The following ADGRF3 variants were observed in gnomAD, a reference collection of about 807,000 sequenced individuals.
The protein encoded by ADGRF3 is adhesion G protein-coupled receptor F3, also known as G protein-coupled receptor 113.
A neutral mutation model predicts 93.2 loss-of-function variants in ADGRF3; 85 were observed. That is an observed-to-expected ratio of 0.91 (90% CI 0.77 to 1.09). The LOEUF (loss-of-function observed/expected upper bound fraction) is 1.09. ADGRF3 is among the 50% of genes least tolerant of loss of function. The pLI is 0.00. For synonymous variants in ADGRF3, 534 were observed against 532.5 expected (o/e 1.00, Z -0.04); for missense variants, 1,125 against 1,246.2 (o/e 0.90, Z 1.46).
At chr2:26,324,506 G>GTAT (rs112469324) in intron 1 of ADGRF3, among the ~76,000 whole-genome samples, 2 of 151,558 alleles carry the variant, frequency 1.3e-5, no homozygotes, top group African/African-American at 4.9e-5. Flanking sequence ...GCCCCAGTGT[G>GTAT]TGTTCCCCTG....
intron 1 of ADGRF3, among the ~76,000 whole-genome samples, chr2:26,324,393 A>G (rs1675326320): frequency 6.6e-6 from 1 of 152,304 alleles, no homozygotes; most frequent in South Asian, 2.1e-4. Context: ...GGTTTGTTAC[A>G]TAGGTAAACT....
chr2:26,318,901 C>A, intron 1 of ADGRF3: 1 of 1,550,874 alleles, frequency 6.4e-7, no homozygotes, highest in Non-Finnish European at 8.7e-7. Flanking sequence ...TTTGTCTCTC[C>A]CAATCAGGGG....
chr2:26,322,307 G>GA (rs1010828493), intron 1 of ADGRF3, among the ~76,000 whole-genome samples: 6 of 147,842 alleles, frequency 4.1e-5, no homozygotes, highest in African/African-American at 1.2e-4. Flanking sequence ...AAAGAGAAAA[G>GA]AAAAAAAAGA....
chr2:26,312,122 G>A (rs376993125), intron 9 of ADGRF3, 48 bp from the exon 10 acceptor site: 38 of 1,539,250 alleles, frequency 2.5e-5, no homozygotes, highest in Middle Eastern at 2.4e-4. Context: ...GCGCCCACAG[G>A]ACTGAGCCGG....
chr2:26,314,635 T>G lies in ADGRF3; in HGVS notation c.719-12A>C. ...GCTCATGTACTCACCTGCAGAAACG[T>G]GTGTGCGGCGCTATGTGGCTCCTCT... is the stretch of plus-strand genomic sequence containing the variant. On this transcript the variant is annotated splice_polypyrimidine_tract_variant and intron_variant, in intron 5 of 13. Coordinates refer to ENST00000651242, the MANE Select transcript of ADGRF3 (RefSeq NM_001321971.2). 6.2e-7 allele frequency: 1 copy of G among 1,610,764 alleles called. No individual in the cohort carries two copies. Among genetic ancestry groups the G allele is most frequent in the Non-Finnish European group, 8.5e-7 (1 of 1,177,458 alleles).
In ADGRF3 at chr2:26,314,635, T is replaced by TGTGTG; in HGVS notation, c.719-17_719-13dup. ...GCTCATGTACTCACCTGCAGAAACG[T>TGTGTG]GTGTGCGGCGCTATGTGGCTCCTCT... On this transcript the variant is annotated splice_polypyrimidine_tract_variant and intron_variant, in intron 5 of 13. Transcript: ENST00000651242. 6.2e-7 allele frequency: 1 copy of TGTGTG among 1,610,766 alleles called. No individual in the cohort carries two copies. Among genetic ancestry groups the TGTGTG allele is most frequent in the Admixed American group, 1.7e-5 (1 of 59,830 alleles).
chr2:26,313,635 C>T (rs1165677343), intron 7 of ADGRF3, 62 bp from the exon 8 acceptor site: 4 of 1,566,718 alleles, frequency 2.6e-6, no homozygotes, highest in African/African-American at 1.4e-5. Context: ...TCTCCTTGGG[C>T]AGAACCCTAT....
intron 5 of ADGRF3, chr2:26,314,865 C>T: frequency 1.9e-6 from 1 of 522,450 alleles, no homozygotes; most frequent in Middle Eastern, 5.1e-4. Context: ...TCATGCTCTC[C>T]CTAGAGCAGA....
In ADGRF3 at chr2:26,311,990, C is replaced by T; in HGVS notation, c.1534G>A (p.Gly512Ser). ...TLAQARKPWAGSTLLLAVETL... is the reference protein window; with the variant it reads ...TLAQARKPWASSTLLLAVETL... ...TCCACAGCCAGCAGGAGAGTCGAGC[C>T]TGCCCAGGGCTTCCGGGCTTGGGCC... Residue 512 changes from glycine (G) to serine (S), a missense_variant, in exon 10 of 14, where the codon GGC becomes AGC. Transcript: ENST00000651242. The T allele has an allele frequency of 1.9e-6, 3 of 1,613,516 alleles. No homozygotes were observed. Among genetic ancestry groups the T allele is most frequent in the Non-Finnish European group, 2.5e-6 (3 of 1,179,880 alleles).
chr2:26,309,532 G>T lies in ADGRF3; in HGVS notation c.2987C>A (p.Thr996Asn), dbSNP rs1386542737. 1.2e-6 allele frequency: 2 copies of T among 1,612,194 alleles called. No homozygotes were observed. The highest frequency in any genetic ancestry group is 3.3e-5 in the Admixed American group (2 of 59,792). ...ILEHSKGGSD[T>N]ARKTDASE ...GAGAAAGCCTAGTTCTCACCTGGCA[G>T]TGTCGCTTCCTCCTTTGCTGTGTTC... Residue 996 changes from threonine (T) to asparagine (N), a missense_variant, in exon 13 of 14, where the codon ACT (threonine) becomes AAT (asparagine). Transcript: ENST00000651242.
At position 26,315,504 on chromosome 2, in the gene ADGRF3, A is replaced by G; in HGVS notation, c.718+18T>C. ...AAGAGGAAGGAGAAAGGAGGCAAGG[A>G]GAGGACAGGCTGGCTACCTGCCCAG... On this transcript the variant is annotated intron_variant, in intron 5 of 13. Coordinates refer to ENST00000651242, the MANE Select transcript of ADGRF3 (RefSeq NM_001321971.2). 6.5e-7 allele frequency: 1 copy of G among 1,545,390 alleles called. No individual in the cohort carries two copies. The highest frequency in any genetic ancestry group is 8.8e-7 in the Non-Finnish European group (1 of 1,142,080).
rs775413848 is a variant in ADGRF3 at position 26,314,559 on chromosome 2, C to T, written c.783G>A (p.Val261=). ...FKWNLYEVVR[V]PLKATDVARL... is the part of the protein sequence containing the mutation. ...GAGCCACATCTGTCGCCTTCAAGGG[C>T]ACCCTCACCACCTCATACAGGTTCC... The change falls in exon 6 of 14, where the codon GTG becomes GTA. Residue 261 remains valine (V), a synonymous_variant. Coordinates refer to ENST00000651242, the MANE Select transcript of ADGRF3 (RefSeq NM_001321971.2). The T allele has an allele frequency of 2.5e-6, 4 of 1,614,074 alleles. No individual in the cohort carries two copies. The South Asian group carries it at 4.4e-5, about 18-fold the overall frequency.
Position 26,317,035 on chromosome 2 carries a change from A to G in ADGRF3, c.202T>C (p.Tyr68His). 1 of 1,612,400 alleles carries G rather than the reference A, an allele frequency of 6.2e-7. No individual in the cohort carries two copies. Among genetic ancestry groups the G allele is most frequent in the Non-Finnish European group, 8.5e-7 (1 of 1,179,302 alleles). Residue 68 changes from tyrosine to histidine, a missense_variant, in exon 3 of 14, where the codon TAT (tyrosine) becomes CAT (histidine). Coordinates refer to ENST00000651242, the MANE Select transcript of ADGRF3 (RefSeq NM_001321971.2). ...GAGESALVSV[Y>H]VHLDFPDKTW... is the part of the protein sequence containing the mutation. Reference sequence around the variant, plus strand: ...TTATCTGGAAAGTCCAGATGTACATAGACGGAGACCAGCGCTGATTCTACA... The same window carrying G: ...TTATCTGGAAAGTCCAGATGTACATGGACGGAGACCAGCGCTGATTCTACA...
rs550169597 is a variant in ADGRF3, at chr2:26,316,334, G to A, written c.440C>T (p.Pro147Leu). The change falls in exon 4 of 14, where the codon CCT becomes CTT. Residue 147 changes from proline (P) to leucine (L), a missense_variant. Pro to Leu is a moderately conservative substitution (Grantham distance 98). Transcript: ENST00000651242. ...ATGGCTGAAGACAAGGCAGCCACAA[G>A]GCTGGTGGTTGTGGAGGCTTTGACA... is the stretch of plus-strand genomic sequence containing the variant. ...PPCQSLHNHQ[P>L]CGCLVFSHPE... 2.6e-6 allele frequency: 4 copies of A among 1,552,010 alleles called. No individual in the cohort carries two copies. The highest frequency in any genetic ancestry group is 1.7e-4 in the Middle Eastern group (1 of 5,994).
At chr2:26,324,949 G>A (rs1454377877) in intron 1 of ADGRF3, among the ~76,000 whole-genome samples, 3 of 152,238 alleles carry the variant, frequency 2.0e-5, no homozygotes, top group African/African-American at 7.2e-5. Flanking sequence ...CAGTGTGTAA[G>A]TGTTCCTTTT....
At chr2:26,329,900 T>C (rs765525227) in intron 1 of ADGRF3, among the ~76,000 whole-genome samples, 5 of 152,260 alleles carry the variant, frequency 3.3e-5, no homozygotes, top group Admixed American at 6.5e-5. Flanking sequence ...CCAACATCTT[T>C]GTCATCTCAG....
intron 6 of ADGRF3, 114 bp from the exon 7 acceptor site, chr2:26,314,017 T>C: frequency 7.5e-7 from 1 of 1,324,768 alleles, no homozygotes; most frequent in South Asian, 1.3e-5. Flanking sequence ...GAGGAAGCAG[T>C]GGGGAAGAGC....
chr2:26,319,237 C>G, intron 1 of ADGRF3: 1 of 569,030 alleles, frequency 1.8e-6, no homozygotes, highest in Admixed American at 3.2e-5. Context: ...CACCTGGAGC[C>G]CACATGCCCC....
intron 1 of ADGRF3, among the ~76,000 whole-genome samples, chr2:26,331,480 C>T (rs1675764289): frequency 6.6e-6 from 1 of 152,114 alleles, no homozygotes; most frequent in Admixed American, 6.6e-5. Flanking sequence ...AACCCAGGGG[C>T]AGAGGTTGCA....
Sources: gnomAD v4.1 joint callset for allele counts (sites outside exome capture counted in the v4.1 genomes callset) on GRCh38, gnomAD v4.1.1 for gene constraint, MANE v1.5 for transcripts, NCBI Gene and HGNC (gene_info 2026-07-23, HGNC 2026-07-21) for gene names.